DPP8: variants seen among roughly 807,000 people sequenced by gnomAD.
DPP8 encodes dipeptidyl peptidase 8.
Under a neutral mutation model 107.5 loss-of-function variants are expected in DPP8, and 31 were observed. The ratio of observed to expected loss-of-function variants is 0.29; its 90% confidence interval spans 0.22 to 0.39. The LOEUF is 0.39. Ranked by LOEUF, DPP8 falls within the 10% of genes least tolerant of loss-of-function variation. The probability of loss-of-function intolerance (pLI) is 1.00; values close to 1 mark genes in which losing one functional copy is unlikely to be tolerated. For missense variants in DPP8, 842 were observed against 1,076.1 expected (o/e 0.78, Z 3.04); for synonymous variants, 381 against 356.6 (o/e 1.07, Z -0.77).
intron 8 of DPP8, among the ~76,000 whole-genome samples, chr15:65,483,426 G>GC (rs1260086373): frequency 1.3e-5 from 2 of 151,960 alleles, no homozygotes; most frequent in African/African-American, 4.8e-5. Flanking sequence ...GAAGGCGGAG[G>GC]CAGGAGGATC....
At chr15:65,506,566 G>A (rs905384463) in intron 3 of DPP8, among the ~76,000 whole-genome samples, 16 of 150,738 alleles carry the variant, frequency 1.1e-4, no homozygotes, top group African/African-American at 2.7e-4. Flanking sequence ...AGACCAACCC[G>A]GACAACATAG....
chr15:65,473,494 C>G (rs1032676217), intron 12 of DPP8, among the ~76,000 whole-genome samples: 1 of 152,010 alleles, frequency 6.6e-6, no homozygotes, highest in South Asian at 2.1e-4. Context: ...ATATATGAGA[C>G]CCTGTCTCTA....
intron 1 of DPP8, among the ~76,000 whole-genome samples, chr15:65,515,073 G>C (rs1172835739): frequency 6.6e-6 from 1 of 152,072 alleles, no homozygotes; most frequent in Non-Finnish European, 1.5e-5. Flanking sequence ...TGAACTCCTG[G>C]AATCAGAGGA....
At chr15:65,454,170 T>A in intron 17 of DPP8, 93 bp downstream of exon 17, 1 of 1,035,170 alleles carries the variant, frequency 9.7e-7, no homozygotes, top group Non-Finnish European at 1.3e-6. Flanking sequence ...GCCAACTCTG[T>A]AAACCTTCAG....
At chr15:65,450,471 T>C (rs754201269) in intron 19 of DPP8, among the ~76,000 whole-genome samples, 5 of 152,172 alleles carry the variant, frequency 3.3e-5, no homozygotes, top group Non-Finnish European at 7.3e-5. Flanking sequence ...AAAAAGTAAT[T>C]TTTTCATTTT....
chr15:65,502,991 G>A (rs1273435806), intron 3 of DPP8, among the ~76,000 whole-genome samples: 1 of 152,152 alleles, frequency 6.6e-6, no homozygotes, highest in African/African-American at 2.4e-5. Context: ...CAGAGTAAAT[G>A]CGTATCAAAA....
At chr15:65,489,667 C>T (rs2067817138) in intron 6 of DPP8, among the ~76,000 whole-genome samples, 2 of 150,982 alleles carry the variant, frequency 1.3e-5, no homozygotes, top group South Asian at 4.2e-4. Context: ...ATCCACCTGC[C>T]TCAGCCTTCC....
chr15:65,501,915 ACT>A (rs2069280358), intron 3 of DPP8, among the ~76,000 whole-genome samples: 1 of 152,008 alleles, frequency 6.6e-6, no homozygotes, highest in South Asian at 2.1e-4. Context: ...TTGAGACAAA[ACT>A]CTCACTCTGT....
intron 12 of DPP8, among the ~76,000 whole-genome samples, chr15:65,468,886 C>CA (rs2065597923): frequency 6.6e-6 from 1 of 152,154 alleles, no homozygotes; most frequent in South Asian, 2.1e-4. Context: ...AAGGAAGTAT[C>CA]ATAATTGTGT....
At chr15:65,504,974 G>A (rs1172553131) in intron 3 of DPP8, among the ~76,000 whole-genome samples, 1 of 152,066 alleles carries the variant, frequency 6.6e-6, no homozygotes, top group Non-Finnish European at 1.5e-5. Context: ...AGAGTGAGAT[G>A]CTGTCTCAAT....
At chr15:65,478,170 T>C (rs904796151) in intron 11 of DPP8, among the ~76,000 whole-genome samples, 11 of 152,220 alleles carry the variant, frequency 7.2e-5, no homozygotes, top group African/African-American at 2.2e-4. Flanking sequence ...CCTATAACTA[T>C]AAATTAACTC....
chr15:65,460,694 G>A lies in DPP8; in HGVS notation c.1971+3067C>T, dbSNP rs373929563. Among the ~76,000 whole-genome samples the A allele has an allele frequency of 9.9e-5, 15 of 152,214 alleles. No individual in the cohort carries two copies. In the South Asian group the frequency reaches 1.0e-3, roughly 11 times the overall value. On this transcript the variant is annotated intron_variant, in intron 15 of 19. Transcript: ENST00000300141. ...TTAAGGCTGAATAAAATAATATTCC[G>A]TTGTATGTATAGACCACATTTTGTT... is the stretch of plus-strand genomic sequence containing the variant.
chr15:65,505,317 T>C (rs748770657), intron 3 of DPP8, among the ~76,000 whole-genome samples: 2 of 149,908 alleles, frequency 1.3e-5, no homozygotes, highest in Non-Finnish European at 3.0e-5. Flanking sequence ...ATGGCACCAC[T>C]ACACTCCAGC....
At chr15:65,506,668 A>C (rs999587850) in intron 3 of DPP8, among the ~76,000 whole-genome samples, 1 of 148,836 alleles carries the variant, frequency 6.7e-6, no homozygotes, top group African/African-American at 2.4e-5. Flanking sequence ...ACATATAAAC[A>C]TATGTGCACT....
chr15:65,486,029 G>A (rs563838661), intron 7 of DPP8, among the ~76,000 whole-genome samples: 1 of 151,328 alleles, frequency 6.6e-6, no homozygotes, highest in East Asian at 1.9e-4. Context: ...GGGAGGCAGA[G>A]GTTGAAGTGA....
chr15:65,517,380 C>T (rs1357138045), intron 1 of DPP8, 106 bp downstream of exon 1: 1 of 152,424 alleles, frequency 6.6e-6, no homozygotes, highest in Non-Finnish European at 1.5e-5. Flanking sequence ...AGCGCGCTGA[C>T]CCTGAGAACG....
chr15:65,509,418 CA>C (rs1373354698), intron 2 of DPP8, among the ~76,000 whole-genome samples: 1 of 152,170 alleles, frequency 6.6e-6, no homozygotes, highest in Admixed American at 6.6e-5. Flanking sequence ...TATCCATGAC[CA>C]GTAAAAATTT....
At position 65,446,862 on chromosome 15, in the gene DPP8, G is replaced by C. The variant is rs1261033503; in HGVS notation, c.*22C>G. 5.6e-6 allele frequency: 9 copies of C among 1,594,450 alleles called. No homozygotes were observed. The highest frequency in any genetic ancestry group is 1.7e-4 in the Middle Eastern group (1 of 5,964). On this transcript the variant is annotated 3_prime_UTR_variant, in exon 20 of 20. Transcript: ENST00000300141. ...TTGGTTAAATAGCCAGTGTATACCAGAGAGTTCTACACAGGTCAAAATTAT... is the reference window on the plus strand; with the variant it reads ...TTGGTTAAATAGCCAGTGTATACCACAGAGTTCTACACAGGTCAAAATTAT...
chr15:65,466,473 T>A (rs543317893), intron 14 of DPP8, among the ~76,000 whole-genome samples: 1 of 152,274 alleles, frequency 6.6e-6, no homozygotes, highest in South Asian at 2.1e-4. Flanking sequence ...CCAGACTTGC[T>A]GCTGCTTGGA....
Sources: gnomAD v4.1 joint callset for allele counts (sites outside exome capture counted in the v4.1 genomes callset) on GRCh38, gnomAD v4.1.1 for gene constraint, MANE v1.5 for transcripts, NCBI Gene and HGNC (gene_info 2026-07-23, HGNC 2026-07-21) for gene names.